The following CREB1 variants were observed in gnomAD, a reference collection of about 807,000 sequenced individuals.
CREB1 encodes cyclic AMP-responsive element-binding protein 1.
CREB1 carries 2 observed loss-of-function variants against 42.0 expected under a neutral mutation model. The observed-to-expected ratio is 0.05, with a 90% CI of 0.02 to 0.15. The LOEUF (loss-of-function observed/expected upper bound fraction) is 0.15, where lower values mean the gene tolerates loss of function less well. Ranked by LOEUF, CREB1 falls within the 10% of genes least tolerant of loss-of-function variation. The pLI is 1.00. For synonymous variants in CREB1, 123 were observed against 139.9 expected, an observed-to-expected ratio of 0.88 and a Z score of 0.85; for missense variants, 199 against 388.9, an observed-to-expected ratio of 0.51 and a Z score of 4.11.
At position 207,531,439 on chromosome 2, in the gene CREB1, C is replaced by T. The variant is rs552988328; in HGVS notation, c.-9+1305C>T. Reference sequence around the variant, plus strand: ...GCCACAAGCTGTATTTTTTCTTCGCCTGTTGGGAAAAGAGGACAGCAGAAA... The same window carrying T: ...GCCACAAGCTGTATTTTTTCTTCGCTTGTTGGGAAAAGAGGACAGCAGAAA... On this transcript the variant is annotated intron_variant, in intron 1 of 7. Coordinates refer to ENST00000353267, the MANE Select transcript of CREB1 (RefSeq NM_004379.5). 2.0e-3 allele frequency among the ~76,000 whole-genome samples: 311 copies of T among 152,278 alleles called. 2 individuals are homozygous for T. The highest frequency in any genetic ancestry group is 3.4e-3 in the Middle Eastern group (1 of 294).
intron 6 of CREB1, among the ~76,000 whole-genome samples, chr2:207,575,947 C>CCCT (rs1553503404): frequency 0.011 from 609 of 56,544 alleles, 87 homozygotes; most frequent in East Asian, 0.098. Context: ...CCCCCCCCCC[C>CCCT]CAAAAGAAAT....
chr2:207,539,856 A>T (rs1468705132), intron 1 of CREB1, among the ~76,000 whole-genome samples: 2 of 152,242 alleles, frequency 1.3e-5, no homozygotes, highest in East Asian at 3.8e-4. Context: ...AAATGAAAAC[A>T]TGGACATATA....
At chr2:207,543,220 A>AT (rs1157993681) in intron 1 of CREB1, among the ~76,000 whole-genome samples, 1 of 151,948 alleles carries the variant, frequency 6.6e-6, no homozygotes, top group Non-Finnish European at 1.5e-5. Flanking sequence ...GGACTTGGGG[A>AT]TTTTTTTCCC....
At chr2:207,547,597 A>T (rs1479492025) in intron 1 of CREB1, among the ~76,000 whole-genome samples, 1 of 152,168 alleles carries the variant, frequency 6.6e-6, no homozygotes, top group South Asian at 2.1e-4. Context: ...AAAAGCTGTG[A>T]AACACCCATT....
At chr2:207,589,846 A>G (rs2084622104) in intron 7 of CREB1, among the ~76,000 whole-genome samples, 1 of 152,292 alleles carries the variant, frequency 6.6e-6, no homozygotes, top group South Asian at 2.1e-4. Context: ...GCTGGATTCA[A>G]TTTGCTAATA....
intron 7 of CREB1, among the ~76,000 whole-genome samples, chr2:207,584,051 T>G (rs1206081313): frequency 1.3e-5 from 2 of 152,264 alleles, no homozygotes; most frequent in African/African-American, 4.8e-5. Flanking sequence ...ATAGATATAC[T>G]GTGCTTTGTT....
At chr2:207,544,818 G>A (rs1299922299) in intron 1 of CREB1, among the ~76,000 whole-genome samples, 12 of 152,162 alleles carry the variant, frequency 7.9e-5, no homozygotes, top group Middle Eastern at 6.8e-3. Flanking sequence ...GAGAACATGC[G>A]GTATTTGGTT....
At position 207,600,672 on chromosome 2, in the gene CREB1, A is replaced by G. The variant is rs555827057; in HGVS notation, c.*3614A>G. 1.4e-5 allele frequency: 3 copies of G among 211,106 alleles called. No homozygotes were observed. The highest frequency in any genetic ancestry group is 1.9e-4 in the South Asian group (1 of 5,326). 13.1% of individuals were successfully genotyped at this position (211,106 alleles called of 1,614,324 possible). Reference sequence around the variant, plus strand: ...CATTTGAGCAGGGATTTTGTCAGAAAATGTGTTTTGATGGTAGGTCAGCAG... The same window carrying G: ...CATTTGAGCAGGGATTTTGTCAGAAGATGTGTTTTGATGGTAGGTCAGCAG... On this transcript the variant is annotated 3_prime_UTR_variant, in exon 8 of 8. Transcript: ENST00000353267.
At chr2:207,585,429 A>G (rs532915996) in intron 7 of CREB1, among the ~76,000 whole-genome samples, 1 of 152,364 alleles carries the variant, frequency 6.6e-6, no homozygotes, top group African/African-American at 2.4e-5. Flanking sequence ...CTACATCTAC[A>G]GTAAAAGTCT....
At chr2:207,531,914 G>T (rs2080646881) in intron 1 of CREB1, among the ~76,000 whole-genome samples, 1 of 152,146 alleles carries the variant, frequency 6.6e-6, no homozygotes, top group South Asian at 2.1e-4. Context: ...ATTAAGAAGA[G>T]GCAATAAAGG....
chr2:207,546,501 C>T (rs773786399), intron 1 of CREB1, among the ~76,000 whole-genome samples: 4 of 152,002 alleles, frequency 2.6e-5, no homozygotes, highest in Non-Finnish European at 4.4e-5. Flanking sequence ...CTGAGGTGGG[C>T]GGATCACCTG....
Position 207,582,910 on chromosome 2 carries a change from CAA to C in CREB1, c.839+5263_839+5264del, listed in dbSNP as rs762922292. 1,148 of 196,518 alleles carry C rather than the reference CAA, an allele frequency of 5.8e-3. 1 individual carries two copies. The highest frequency in any genetic ancestry group is 8.6e-3 in the South Asian group (207 of 24,006). The allele number at this position is 196,518 out of a possible 1,614,324, so 12.2% of individuals were successfully genotyped here. A position where few individuals can be genotyped will look rare whatever the true frequency, so the allele number is the denominator to read the frequency against. On this transcript the variant is annotated intron_variant, in intron 7 of 7. Coordinates refer to ENST00000353267, the MANE Select transcript of CREB1 (RefSeq NM_004379.5). ...TGTCTCAAAAAAACAAACAAACAAA[CAA>C]AAAAAAATATATATATATACATACA...
chr2:207,576,643 T>G, intron 6 of CREB1: 1 of 1,292,398 alleles, frequency 7.7e-7, no homozygotes, highest in South Asian at 1.3e-5. Context: ...ACTCAAAAAT[T>G]GTAAAGCAGG....
intron 1 of CREB1, among the ~76,000 whole-genome samples, chr2:207,546,687 A>G (rs1299483731): frequency 6.6e-6 from 1 of 151,916 alleles, no homozygotes; most frequent in Non-Finnish European, 1.5e-5. Flanking sequence ...AGATCATGCC[A>G]CTCACTGCAT....
At chr2:207,555,169 T>C (rs928124422) in intron 1 of CREB1, among the ~76,000 whole-genome samples, 2 of 152,178 alleles carry the variant, frequency 1.3e-5, no homozygotes, top group Non-Finnish European at 2.9e-5. Flanking sequence ...TTCCTTCTTA[T>C]GGGGGGAAAT....
intron 3 of CREB1, among the ~76,000 whole-genome samples, chr2:207,562,618 G>A (rs1218354979): frequency 6.6e-6 from 1 of 152,064 alleles, no homozygotes; most frequent in Non-Finnish European, 1.5e-5. Context: ...TCTACAAATA[G>A]AGATACAAAT....
At chr2:207,552,062 A>AAAG (rs1574810200) in intron 1 of CREB1, among the ~76,000 whole-genome samples, 3 of 151,014 alleles carry the variant, frequency 2.0e-5, no homozygotes, top group South Asian at 2.1e-4. Context: ...AAAAAAAAAA[A>AAAG]AAAAATTAAG....
rs542578334 is a variant in CREB1 at position 207,578,947 on chromosome 2, C to T, written c.839+1292C>T. On this transcript the variant is annotated intron_variant, in intron 7 of 7. Transcript: ENST00000353267. The stretch of plus-strand genomic sequence containing the variant: ...CTGGGATTACAGGTGCCCACCACCA[C>T]GCCTGGCTAATTTTTGTATTAGTAG... Among the ~76,000 whole-genome samples, 321 of 152,182 alleles carry T rather than the reference C, an allele frequency of 2.1e-3. 3 individuals carry two copies. The highest frequency in any genetic ancestry group is 7.3e-3 in the African/African-American group (302 of 41,508).
intron 4 of CREB1, 134 bp downstream of exon 4, chr2:207,567,697 G>T: frequency 1.9e-6 from 1 of 529,362 alleles, no homozygotes; most frequent in African/African-American, 1.9e-5. Flanking sequence ...TGAGTTATTT[G>T]TCTCAAATAA....
Sources: allele counts gnomAD v4.1 joint callset (sites outside exome capture counted in the v4.1 genomes callset), GRCh38; gene constraint gnomAD v4.1.1; transcripts MANE v1.5; gene names NCBI Gene and HGNC (gene_info 2026-07-23, HGNC 2026-07-21).